The following TMEM266 variants were observed in gnomAD, a reference collection of about 807,000 sequenced individuals.
TMEM266 encodes transmembrane protein 266.
In TMEM266, 33 loss-of-function variants were observed where a neutral mutation model predicts 50.5. The ratio of observed to expected loss-of-function variants is 0.65; its 90% confidence interval spans 0.50 to 0.87. TMEM266 has a LOEUF of 0.87. Ranked by LOEUF, TMEM266 falls within the 40% of genes least tolerant of loss-of-function variation. The pLI is 0.00. For synonymous variants in TMEM266, 310 were observed against 292.3 expected (o/e 1.06, Z -0.62); for missense variants, 655 against 695.1 (o/e 0.94, Z 0.65).
rs559407501 is a variant in TMEM266 at position 76,139,131 on chromosome 15, G to T, written c.227+1236G>T. 6.6e-6 allele frequency among the ~76,000 whole-genome samples: 1 copy of T among 152,252 alleles called. No homozygotes were observed. The highest frequency in any genetic ancestry group is 1.9e-4 in the East Asian group (1 of 5,188). On this transcript the variant is annotated intron_variant, in intron 3 of 10. Coordinates refer to ENST00000388942, the MANE Select transcript of TMEM266 (RefSeq NM_152335.3). The surrounding 1 kb of genome is among the most constrained non-coding windows in gnomAD (Gnocchi z 4.1). Reference sequence around the variant, plus strand: ...TGAATATAAAAATGAAGGGTTGTCAGGTATTTTAGAAGCAAACGAGAAGCC... The same window carrying T: ...TGAATATAAAAATGAAGGGTTGTCATGTATTTTAGAAGCAAACGAGAAGCC...
At chr15:76,163,674 G>T (rs1216415263) in intron 5 of TMEM266, among the ~76,000 whole-genome samples, 1 of 152,140 alleles carries the variant, frequency 6.6e-6, no homozygotes, top group Non-Finnish European at 1.5e-5. Flanking sequence ...AGTCCTTGGG[G>T]CCTCCTGGCC....
At chr15:76,202,733 G>C (rs185161499) in intron 10 of TMEM266, among the ~76,000 whole-genome samples, 22 of 152,164 alleles carry the variant, frequency 1.4e-4, no homozygotes, top group Admixed American at 1.2e-3. Flanking sequence ...GGGAAAAATT[G>C]AATTTTAAAA....
intron 3 of TMEM266, among the ~76,000 whole-genome samples, chr15:76,154,941 C>T (rs2142045854): frequency 6.6e-6 from 1 of 152,338 alleles, no homozygotes; most frequent in East Asian, 1.9e-4. Context: ...AAGGGGGCGC[C>T]TCAGGGCACA....
chr15:76,198,465 T>C (rs1046270911), intron 9 of TMEM266, among the ~76,000 whole-genome samples: 1 of 152,206 alleles, frequency 6.6e-6, no homozygotes, highest in African/African-American at 2.4e-5. Context: ...CATAAACATC[T>C]GTGTCTGCCT....
chr15:76,076,812 A>T (rs1282535588), intron 1 of TMEM266, among the ~76,000 whole-genome samples: 1 of 152,134 alleles, frequency 6.6e-6, no homozygotes, highest in East Asian at 1.9e-4. Context: ...TTTAAAGATG[A>T]TGCTGATTGT....
rs1277872254 is a variant in TMEM266 at position 76,137,812 on chromosome 15, G to C, written c.144G>C (p.Arg48=). 1 of 1,613,936 alleles carries C rather than the reference G, an allele frequency of 6.2e-7. No individual in the cohort carries two copies. The highest frequency in any genetic ancestry group is 8.5e-7 in the Non-Finnish European group (1 of 1,179,948). The change falls in exon 3 of 11, where the codon CGG becomes CGC. Residue 48 remains arginine (R), a synonymous_variant. Coordinates refer to ENST00000388942, the MANE Select transcript of TMEM266 (RefSeq NM_152335.3). ...TGCAGCTGGTGAACTTTGCCTATCGGGACTTGCCCCTGGCTGCTGTCGATC... is the reference window on the plus strand; with the variant it reads ...TGCAGCTGGTGAACTTTGCCTATCGCGACTTGCCCCTGGCTGCTGTCGATC...
At chr15:76,202,743 A>G (rs2038768494) in intron 10 of TMEM266, among the ~76,000 whole-genome samples, 1 of 152,160 alleles carries the variant, frequency 6.6e-6, no homozygotes, top group Admixed American at 6.5e-5. Context: ...GAATTTTAAA[A>G]TAACGCTGAG....
At chr15:76,117,397 G>T (rs1377383581) in intron 1 of TMEM266, among the ~76,000 whole-genome samples, 1 of 152,060 alleles carries the variant, frequency 6.6e-6, no homozygotes, top group Non-Finnish European at 1.5e-5. Context: ...CAGTCATTTT[G>T]TCTTTATTTA....
chr15:76,134,191 G>T lies in TMEM266; in HGVS notation c.-73G>T. The T allele has an allele frequency of 1.3e-6, 2 of 1,544,172 alleles. No individual in the cohort carries two copies. Among genetic ancestry groups the T allele is most frequent in the Non-Finnish European group, 8.9e-7 (1 of 1,119,074 alleles). On this transcript the variant is annotated 5_prime_UTR_variant, in exon 2 of 11. Transcript: ENST00000388942. Reference sequence around the variant, plus strand: ...AGGGCACTATATTTGTATGTGTCTTGTAGAACCCACGCTTGGAAATGCTGA... The same window carrying T: ...AGGGCACTATATTTGTATGTGTCTTTTAGAACCCACGCTTGGAAATGCTGA...
intron 3 of TMEM266, among the ~76,000 whole-genome samples, chr15:76,144,732 G>A: frequency 6.6e-6 from 1 of 152,040 alleles, no homozygotes; most frequent in African/African-American, 2.4e-5. Flanking sequence ...CCAACCAGGT[G>A]CCTCCCTCCC....
At chr15:76,155,131 G>T (rs1419875790) in intron 3 of TMEM266, among the ~76,000 whole-genome samples, 1 of 152,228 alleles carries the variant, frequency 6.6e-6, no homozygotes, top group Non-Finnish European at 1.5e-5. Flanking sequence ...AGAGGCGGAG[G>T]CCACAGTGGT....
At chr15:76,151,844 T>C (rs2037849189) in intron 3 of TMEM266, among the ~76,000 whole-genome samples, 1 of 152,164 alleles carries the variant, frequency 6.6e-6, no homozygotes, top group Non-Finnish European at 1.5e-5. Flanking sequence ...CGCCAGGTGA[T>C]GCTGCTGCTG....
intron 1 of TMEM266, among the ~76,000 whole-genome samples, chr15:76,103,314 G>A (rs977497256): frequency 1.3e-5 from 2 of 149,976 alleles, no homozygotes; most frequent in Non-Finnish European, 3.0e-5. Context: ...AACAGCCTGG[G>A]CAAAGTCTCA....
chr15:76,070,582 G>A (rs1296541770), intron 1 of TMEM266, among the ~76,000 whole-genome samples: 2 of 152,180 alleles, frequency 1.3e-5, no homozygotes, highest in East Asian at 3.9e-4. Context: ...TACAGCTCAA[G>A]TACTCTAGTA....
intron 1 of TMEM266, among the ~76,000 whole-genome samples, chr15:76,069,797 A>G (rs962854725): frequency 2.6e-5 from 4 of 152,046 alleles, no homozygotes; most frequent in Middle Eastern, 3.4e-3. Flanking sequence ...CAGCCTGGGC[A>G]GCCGAGTGAG....
intron 8 of TMEM266, among the ~76,000 whole-genome samples, chr15:76,187,980 G>A (rs1206158483): frequency 6.6e-6 from 1 of 152,150 alleles, no homozygotes; most frequent in African/African-American, 2.4e-5. Context: ...GGTGGCAGGG[G>A]TGTGCTGGAG....
intron 5 of TMEM266, among the ~76,000 whole-genome samples, chr15:76,167,246 G>A (rs551880843): frequency 5.9e-5 from 9 of 152,160 alleles, no homozygotes; most frequent in South Asian, 2.1e-4. Flanking sequence ...CGAGGCTGGC[G>A]GATCATGAGG....
chr15:76,119,408 A>AAG (rs2037304778), intron 1 of TMEM266, among the ~76,000 whole-genome samples: 1 of 148,930 alleles, frequency 6.7e-6, no homozygotes, highest in Admixed American at 6.8e-5. Flanking sequence ...AAAAAAAAAA[A>AAG]AAAAGAAAAG....
Position 76,153,646 on chromosome 15 carries a change from G to A in TMEM266, c.228-2958G>A, listed in dbSNP as rs1374124355. Among the ~76,000 whole-genome samples, 2 of 152,136 alleles carry A rather than the reference G, an allele frequency of 1.3e-5. No homozygotes were observed. The highest frequency in any genetic ancestry group is 4.8e-5 in the African/African-American group (2 of 41,432). ...GGGCAGGAGGGGAACCGGCTTCCGG[G>A]GGCGCTGAGGCGGCTGGAGGCTGGG... On this transcript the variant is annotated intron_variant, in intron 3 of 10. Transcript: ENST00000388942. The surrounding 1 kb of genome is among the most constrained non-coding windows in gnomAD (Gnocchi z 4.2).
Sources: gnomAD v4.1 joint callset for allele counts (sites outside exome capture counted in the v4.1 genomes callset) on GRCh38, gnomAD v4.1.1 for gene constraint, Gnocchi (gnomAD v3.1) non-coding constraint, MANE v1.5 for transcripts, NCBI Gene and HGNC (gene_info 2026-07-23, HGNC 2026-07-21) for gene names.